ABCC11: variants seen among roughly 807,000 people sequenced by gnomAD.
ABCC11 encodes ATP-binding cassette sub-family C member 11.
Under a neutral mutation model 149.3 loss-of-function variants are expected in ABCC11, and 135 were observed. That is an observed-to-expected ratio of 0.90 (90% confidence interval 0.79 to 1.04). ABCC11 has a LOEUF of 1.04. ABCC11 is among the 50% of genes least tolerant of loss of function. The probability of loss-of-function intolerance (pLI) is 0.00; values close to 1 mark genes in which losing one functional copy is unlikely to be tolerated. For synonymous variants in ABCC11, 665 were observed against 671.4 expected (o/e 0.99, Z 0.15); for missense variants, 1,680 against 1,722.1 (o/e 0.98, Z 0.43).
intron 1 of ABCC11, among the ~76,000 whole-genome samples, chr16:48,243,141 C>T (rs1480924805): frequency 2.0e-5 from 3 of 151,794 alleles, no homozygotes; most frequent in African/African-American, 7.2e-5. Context: ...TGGCTCAGGC[C>T]TGTAATCCCA....
chr16:48,244,212 G>C (rs570497763), intron 1 of ABCC11: 484 of 517,352 alleles, frequency 9.4e-4, no homozygotes, highest in Middle Eastern at 5.4e-3. Context: ...GTCTTACCGG[G>C]AGGCTCTCCT....
At chr16:48,237,271 A>C (rs1362839688) in intron 1 of ABCC11, among the ~76,000 whole-genome samples, 1 of 152,194 alleles carries the variant, frequency 6.6e-6, no homozygotes, top group East Asian at 1.9e-4. Context: ...GGCACATTGT[A>C]CATATCCAGA....
intron 1 of ABCC11, among the ~76,000 whole-genome samples, chr16:48,243,906 C>T (rs1971158283): frequency 6.6e-6 from 1 of 151,608 alleles, no homozygotes. Flanking sequence ...GCAGGAGAAT[C>T]GCTTGAACCC....
At position 48,177,093 on chromosome 16, in the gene ABCC11, A is replaced by G; in HGVS notation, c.3369T>C (p.Pro1123=). The G allele has an allele frequency of 6.2e-7, 1 of 1,613,690 alleles. No individual in the cohort carries two copies. Among genetic ancestry groups the G allele is most frequent in the East Asian group, 2.2e-5 (1 of 44,868 alleles). Residue 1123 remains proline (P), a synonymous_variant, in exon 25 of 30, where the codon CCT becomes CCC. Transcript: ENST00000356608. ...GACAACTTGTGCCTTCCATGTGTAAAGGAGCTTCCGAGACACACATCTTGT... is the reference window on the plus strand; with the variant it reads ...GACAACTTGTGCCTTCCATGTGTAAGGGAGCTTCCGAGACACACATCTTGT... ...QYMKMCVSEA[P]LHMEGTSCPQ... is the part of the protein sequence containing the mutation.
intron 1 of ABCC11, among the ~76,000 whole-genome samples, chr16:48,241,187 C>T (rs1376484459): frequency 6.6e-6 from 1 of 152,192 alleles, no homozygotes; most frequent in African/African-American, 2.4e-5. Context: ...CCACCCATCT[C>T]GGCCTCCCAA....
intron 28 of ABCC11, among the ~76,000 whole-genome samples, chr16:48,169,778 A>C: frequency 1.5e-5 from 1 of 66,442 alleles, no homozygotes; most frequent in South Asian, 6.6e-4. Context: ...GGGTGGGGGG[A>C]GGGGGGAGGG....
chr16:48,194,333 A>G (rs935833853), intron 18 of ABCC11, among the ~76,000 whole-genome samples: 4 of 152,232 alleles, frequency 2.6e-5, no homozygotes, highest in Non-Finnish European at 5.9e-5. Flanking sequence ...GGCACAGGGC[A>G]GTGTTCTAGA....
chr16:48,177,930 T>C (rs1966192862), intron 24 of ABCC11, among the ~76,000 whole-genome samples: 1 of 152,184 alleles, frequency 6.6e-6, no homozygotes, highest in Non-Finnish European at 1.5e-5. Flanking sequence ...AAAATGTGGA[T>C]AATCATTCAA....
intron 27 of ABCC11, 80 bp downstream of exon 27, chr16:48,170,809 A>G: frequency 7.6e-7 from 1 of 1,309,286 alleles, no homozygotes; most frequent in South Asian, 1.2e-5. Context: ...CTGGAACACC[A>G]CATGAGAGGA....
intron 11 of ABCC11, chr16:48,210,205 G>T (rs1352120081): frequency 6.6e-6 from 1 of 152,158 alleles, no homozygotes; most frequent in Non-Finnish European, 1.5e-5. Context: ...TTAAATGCTT[G>T]ATGGACATTT....
Position 48,213,466 on chromosome 16 carries a change from T to G in ABCC11, c.1333A>C (p.Lys445Gln). 6.2e-7 allele frequency: 1 copy of G among 1,612,338 alleles called. No homozygotes were observed. Among genetic ancestry groups the G allele is most frequent in the Non-Finnish European group, 8.5e-7 (1 of 1,179,202 alleles). ...ACCTTGAACCTCATCACTGCAGACT[T>G]GGAATTCGTGAGACCTTTGACTGCA... Reference protein sequence around the residue: ...PIAVKGLTNSKSAVMRFKKFF... With the variant: ...PIAVKGLTNSQSAVMRFKKFF... Residue 445 changes from lysine to glutamine, a missense_variant, in exon 10 of 30, where the codon AAG (lysine) becomes CAG (glutamine). Physicochemically the swap from Lys to Gln is moderately conservative, Grantham distance 53. Coordinates refer to ENST00000356608, the MANE Select transcript of ABCC11 (RefSeq NM_001370497.1).
chr16:48,240,475 G>A (rs1970910310), intron 1 of ABCC11, among the ~76,000 whole-genome samples: 1 of 152,040 alleles, frequency 6.6e-6, no homozygotes, highest in Admixed American at 6.5e-5. Context: ...GCTGAAGGAT[G>A]AGAACACATG....
At chr16:48,178,928 C>A (rs994671654) in intron 23 of ABCC11, among the ~76,000 whole-genome samples, 3 of 152,166 alleles carry the variant, frequency 2.0e-5, no homozygotes, top group African/African-American at 7.2e-5. Flanking sequence ...CCTCGAGTGC[C>A]CTCTGTATGT....
intron 3 of ABCC11, 84 bp from the exon 4 acceptor site, chr16:48,228,048 A>G: frequency 1.7e-6 from 2 of 1,186,204 alleles, no homozygotes; most frequent in Non-Finnish European, 1.1e-6. Context: ...AAACACAACG[A>G]GGTTACCCAG....
chr16:48,182,056 T>C (rs575503215), intron 23 of ABCC11, among the ~76,000 whole-genome samples: 7 of 152,140 alleles, frequency 4.6e-5, no homozygotes, highest in African/African-American at 1.7e-4. Context: ...GCACTCCCAG[T>C]GCATGTACGT....
chr16:48,227,713 G>A (rs1419902825), intron 4 of ABCC11, 93 bp downstream of exon 4: 5 of 1,552,758 alleles, frequency 3.2e-6, no homozygotes, highest in Non-Finnish European at 4.4e-6. Flanking sequence ...GTCTGGCATG[G>A]CCCCTCCCTA....
intron 1 of ABCC11, among the ~76,000 whole-genome samples, chr16:48,242,610 G>A (rs7186982): frequency 0.13 from 19,910 of 152,058 alleles, 1,620 homozygotes; most frequent in African/African-American, 0.23. Flanking sequence ...TGCTTACTGC[G>A]GCACTATTCG....
intron 22 of ABCC11, among the ~76,000 whole-genome samples, chr16:48,186,087 G>A (rs1441755848): frequency 1.3e-5 from 2 of 152,208 alleles, no homozygotes; most frequent in East Asian, 1.9e-4. Context: ...TGAATGCACC[G>A]CTCCAGGATC....
intron 1 of ABCC11, chr16:48,244,655 G>A (rs1489335203): frequency 1.1e-5 from 15 of 1,317,634 alleles, no homozygotes; most frequent in Non-Finnish European, 1.5e-5. Context: ...GGCGGCGGGC[G>A]GCGCGGCCTC....
Sources: allele counts gnomAD v4.1 joint callset (sites outside exome capture counted in the v4.1 genomes callset), GRCh38; gene constraint gnomAD v4.1.1; transcripts MANE v1.5; gene names NCBI Gene and HGNC (gene_info 2026-07-23, HGNC 2026-07-21).